Variants in CHRM3 observed in about 807,000 individuals in gnomAD.
CHRM3 encodes the protein muscarinic acetylcholine receptor M3.
CHRM3 carries 11 observed loss-of-function variants against 41.8 expected under a neutral mutation model. The observed-to-expected ratio is 0.26, with a 90% CI of 0.17 to 0.44. The LOEUF is 0.44. CHRM3 is among the 20% of genes least tolerant of loss of function. The probability of loss-of-function intolerance (pLI) is 1.00; values close to 1 mark genes in which losing one functional copy is unlikely to be tolerated. For missense variants in CHRM3, 571 were observed against 745.4 expected, an observed-to-expected ratio of 0.77 and a Z score of 2.72; for synonymous variants, 297 against 301.4, an observed-to-expected ratio of 0.99 and a Z score of 0.15.
At chr1:239,758,050 TAAC>T (rs1221844686) in intron 5 of CHRM3, among the ~76,000 whole-genome samples, 1 of 152,168 alleles carries the variant, frequency 6.6e-6, no homozygotes, top group Non-Finnish European at 1.5e-5. Flanking sequence ...GTTTGCTGTA[TAAC>T]AACAACAGAT....
chr1:239,544,912 G>A (rs1659142896), intron 2 of CHRM3, among the ~76,000 whole-genome samples: 1 of 152,134 alleles, frequency 6.6e-6, no homozygotes, highest in Non-Finnish European at 1.5e-5. Flanking sequence ...CACGTGATAT[G>A]GTAAAGCAGC....
At position 239,673,547 on chromosome 1, in the gene CHRM3, A is replaced by G. The variant is rs145720939; in HGVS notation, c.-249-4639A>G. ...ATGTTTGCTTTTTATTTCTGTGTCTATATTTTCATTCAACGTATATTTTAA... is the reference window on the plus strand; with the variant it reads ...ATGTTTGCTTTTTATTTCTGTGTCTGTATTTTCATTCAACGTATATTTTAA... On this transcript the variant is annotated intron_variant, in intron 4 of 6. Coordinates refer to ENST00000676153, the MANE Select transcript of CHRM3 (RefSeq NM_001375978.1). 8.6e-3 allele frequency among the ~76,000 whole-genome samples: 1,308 copies of G among 152,294 alleles called. 23 individuals carry two copies. The highest frequency in any genetic ancestry group is 0.03 in the African/African-American group (1,256 of 41,558).
At chr1:239,901,059 G>T (rs1395971861) in intron 6 of CHRM3, among the ~76,000 whole-genome samples, 1 of 152,098 alleles carries the variant, frequency 6.6e-6, no homozygotes, top group Admixed American at 6.5e-5. Context: ...ATTACCACAG[G>T]CATTCAGGTC....
chr1:239,424,054 C>CAAAAAAAAAAAA (rs772980892), intron 1 of CHRM3, among the ~76,000 whole-genome samples: 1 of 78,916 alleles, frequency 1.3e-5, no homozygotes. Context: ...GACTCTGTCT[C>CAAAAAAAAAAAA]AAAAAAAAAA....
intron 5 of CHRM3, among the ~76,000 whole-genome samples, chr1:239,814,722 C>T (rs1248321052): frequency 6.6e-6 from 1 of 152,140 alleles, no homozygotes; most frequent in East Asian, 1.9e-4. Context: ...GGGTGACTCA[C>T]GGTCAGGTCA....
rs1189759210 is a variant in CHRM3 at position 239,530,529 on chromosome 1, G to T, written c.-421-15112G>T. The stretch of plus-strand genomic sequence containing the variant: ...CATTCAATAGAAACTGTCAGTGCAG[G>T]GTTCCAGGTATGAAACTAGGTATAC... On this transcript the variant is annotated intron_variant, in intron 2 of 6. Coordinates refer to ENST00000676153, the MANE Select transcript of CHRM3 (RefSeq NM_001375978.1). 2.0e-5 allele frequency among the ~76,000 whole-genome samples: 3 copies of T among 152,112 alleles called. No homozygotes were observed. In the East Asian group the frequency reaches 5.8e-4, roughly 29 times the overall value.
chr1:239,782,249 T>C (rs1668562235), intron 5 of CHRM3, among the ~76,000 whole-genome samples: 1 of 151,966 alleles, frequency 6.6e-6, no homozygotes, highest in Non-Finnish European at 1.5e-5. Context: ...AGTGTTTCCA[T>C]TTTGGAAAGT....
intron 6 of CHRM3, among the ~76,000 whole-genome samples, chr1:239,834,562 T>G (rs1018245033): frequency 1.3e-5 from 2 of 152,138 alleles, no homozygotes; most frequent in Non-Finnish European, 2.9e-5. Context: ...ACAGCCAAGT[T>G]CATACAGTCC....
At chr1:239,895,735 C>T (rs183555472) in intron 6 of CHRM3, among the ~76,000 whole-genome samples, 4 of 152,260 alleles carry the variant, frequency 2.6e-5, no homozygotes, top group African/African-American at 7.2e-5. Flanking sequence ...CCAAACACGG[C>T]GTGTTCTCAC....
intron 5 of CHRM3, among the ~76,000 whole-genome samples, chr1:239,813,913 T>A (rs1671346130): frequency 6.0e-5 from 1 of 16,684 alleles, no homozygotes. Context: ...CGAGACTCCG[T>A]CTCAAAAAAA....
chr1:239,875,098 G>A (rs545787125), intron 6 of CHRM3, among the ~76,000 whole-genome samples: 3 of 152,308 alleles, frequency 2.0e-5, no homozygotes, highest in Admixed American at 6.5e-5. Flanking sequence ...GGTAGTTGTT[G>A]ATGATTCAGT....
intron 2 of CHRM3, among the ~76,000 whole-genome samples, chr1:239,543,393 CA>C (rs754165092): frequency 7.2e-5 from 11 of 152,160 alleles, no homozygotes; most frequent in Non-Finnish European, 1.2e-4. Context: ...TCTGTAAGGC[CA>C]GGGGTTCCCA....
At position 239,880,578 on chromosome 1, in the gene CHRM3, C is replaced by T. The variant is rs968846431; in HGVS notation, c.-19-26855C>T. Among the ~76,000 whole-genome samples the T allele has an allele frequency of 3.3e-5, 5 of 152,172 alleles. No individual in the cohort carries two copies. The East Asian group carries it at 5.8e-4, about 18-fold the overall frequency. ...CAGCATGAAGATAATTCACTGAGGCCGCTAACTCCTGGGCCAAAGTCATCC... is the reference window on the plus strand; with the variant it reads ...CAGCATGAAGATAATTCACTGAGGCTGCTAACTCCTGGGCCAAAGTCATCC... On this transcript the variant is annotated intron_variant, in intron 6 of 6. Coordinates refer to ENST00000676153, the MANE Select transcript of CHRM3 (RefSeq NM_001375978.1).
At chr1:239,434,777 A>G (rs1018771434) in intron 1 of CHRM3, among the ~76,000 whole-genome samples, 1 of 152,200 alleles carries the variant, frequency 6.6e-6, no homozygotes, top group African/African-American at 2.4e-5. Flanking sequence ...GAGAGGGAGA[A>G]GGAGAGAAAG....
intron 5 of CHRM3, chr1:239,707,421 G>A (rs747637644): frequency 3.9e-5 from 6 of 152,120 alleles, no homozygotes; most frequent in Non-Finnish European, 8.8e-5. Flanking sequence ...AGCAGAACTG[G>A]CAACTATTGT....
intron 6 of CHRM3, among the ~76,000 whole-genome samples, chr1:239,851,085 A>G (rs557306139): frequency 1.3e-5 from 2 of 152,292 alleles, no homozygotes; most frequent in Non-Finnish European, 2.9e-5. Context: ...AGCTTAGGAA[A>G]AATAATACTG....
chr1:239,808,423 G>T (rs1670834215), intron 5 of CHRM3, among the ~76,000 whole-genome samples: 1 of 152,108 alleles, frequency 6.6e-6, no homozygotes, highest in African/African-American at 2.4e-5. Context: ...GTTTGCCCTA[G>T]AATGACACTG....
At chr1:239,616,240 T>C (rs1291163714) in intron 3 of CHRM3, among the ~76,000 whole-genome samples, 1 of 152,212 alleles carries the variant, frequency 6.6e-6, no homozygotes, top group Non-Finnish European at 1.5e-5. Context: ...TATATGTCTT[T>C]TTAAAGATTG....
intron 1 of CHRM3, among the ~76,000 whole-genome samples, chr1:239,414,757 G>C (rs1661365589): frequency 6.6e-6 from 1 of 152,206 alleles, no homozygotes; most frequent in African/African-American, 2.4e-5. Context: ...TGGCCTTAAG[G>C]AACACGTGGT....
Sources: gnomAD v4.1 joint callset for allele counts (sites outside exome capture counted in the v4.1 genomes callset) on GRCh38, gnomAD v4.1.1 for gene constraint, MANE v1.5 for transcripts, NCBI Gene and HGNC (gene_info 2026-07-23, HGNC 2026-07-21) for gene names.